CELF5: variants seen among roughly 807,000 people sequenced by gnomAD.
CELF5 encodes CUGBP Elav-like family member 5.
A neutral mutation model predicts 54.9 loss-of-function variants in CELF5; 6 were observed. That is an observed-to-expected ratio of 0.11 (90% CI 0.06 to 0.22). The LOEUF (loss-of-function observed/expected upper bound fraction) is 0.22, where lower values mean the gene tolerates loss of function less well. CELF5 is among the 10% of genes least tolerant of loss of function. CELF5 has a pLI of 1.00. For missense variants in CELF5, 401 were observed against 678.6 expected (o/e 0.59, Z 4.54); for synonymous variants, 271 against 290.9 (o/e 0.93, Z 0.70).
At chr19:3,287,759 A>G (rs1311268854) in intron 10 of CELF5, among the ~76,000 whole-genome samples, 1 of 104,686 alleles carries the variant, frequency 9.6e-6, no homozygotes, top group Non-Finnish European at 2.5e-5. Flanking sequence ...TCTCAAAACA[A>G]CAAAACAACA....
intron 1 of CELF5, among the ~76,000 whole-genome samples, chr19:3,230,750 C>T (rs1162397792): frequency 6.6e-6 from 1 of 152,234 alleles, no homozygotes; most frequent in Admixed American, 6.5e-5. Flanking sequence ...AAAATATGCT[C>T]GTTTCCTTCA....
intron 1 of CELF5, among the ~76,000 whole-genome samples, chr19:3,236,978 G>A (rs1358290898): frequency 3.0e-5 from 4 of 131,730 alleles, no homozygotes; most frequent in African/African-American, 8.7e-5. Flanking sequence ...GACAGAGCAA[G>A]ACTCCATCTC....
intron 2 of CELF5, among the ~76,000 whole-genome samples, chr19:3,259,505 A>G (rs979465878): frequency 6.6e-5 from 10 of 151,558 alleles, no homozygotes; most frequent in African/African-American, 2.2e-4. Flanking sequence ...CCCTGCTCAC[A>G]TCAGACACCA....
intron 1 of CELF5, among the ~76,000 whole-genome samples, chr19:3,231,948 A>T (rs1917287837): frequency 6.7e-6 from 1 of 150,360 alleles, no homozygotes; most frequent in Non-Finnish European, 1.5e-5. Flanking sequence ...TGGATGGGTA[A>T]TTGGTGGATG....
At position 3,259,631 on chromosome 19, in the gene CELF5, G is replaced by A. The variant is rs113038677; in HGVS notation, c.342+8564G>A. ...GATTTTAATGTGTGCAGCCTCCTGG[G>A]ACCTCAGCAGGGAAGCGGGTCATGG... On this transcript the variant is annotated intron_variant, in intron 2 of 12. Transcript: ENST00000292672. Among the ~76,000 whole-genome samples the A allele has an allele frequency of 4.2e-3, 642 of 152,246 alleles. 3 individuals carry two copies. Among genetic ancestry groups the A allele is most frequent in the African/African-American group, 0.014 (598 of 41,524 alleles).
rs573815336 is a variant in CELF5, at chr19:3,244,165, A to G, written c.260-6820A>G. 1.2e-4 allele frequency among the ~76,000 whole-genome samples: 19 copies of G among 152,188 alleles called. 1 individual carries two copies. Among genetic ancestry groups the G allele is most frequent in the South Asian group, 4.2e-4 (2 of 4,816 alleles). On this transcript the variant is annotated intron_variant, in intron 1 of 12. Transcript: ENST00000292672. ...AAGAGGCCAAGAAGAGGTTGGGCCA[A>G]GAGATCACGGAAGCCATAAGGAAGA...
At chr19:3,286,184 A>G (rs2080245741) in intron 10 of CELF5, 159 bp downstream of exon 10, 1 of 548,794 alleles carries the variant, frequency 1.8e-6, no homozygotes, top group Non-Finnish European at 3.1e-6. Flanking sequence ...GCAGCCGCTG[A>G]CCCCTGGGAA....
At chr19:3,244,034 AG>A (rs2079526942) in intron 1 of CELF5, among the ~76,000 whole-genome samples, 1 of 151,896 alleles carries the variant, frequency 6.6e-6, no homozygotes, top group South Asian at 2.1e-4. Context: ...GAATTTGGAG[AG>A]GGGGAGAAGC....
rs978823486 is a variant in CELF5 at position 3,237,542 on chromosome 19, G to A, written c.259+12544G>A. On this transcript the variant is annotated intron_variant, in intron 1 of 12. Coordinates refer to ENST00000292672, the MANE Select transcript of CELF5 (RefSeq NM_021938.4). ...GTTGCCATGGCGTTTGTAAACTGTCGTGGCGCGGGTGGGAGTGTCTCTTAG... is the reference window on the plus strand; with the variant it reads ...GTTGCCATGGCGTTTGTAAACTGTCATGGCGCGGGTGGGAGTGTCTCTTAG... Among the ~76,000 whole-genome samples the A allele has an allele frequency of 5.9e-5, 9 of 152,082 alleles. No homozygotes were observed. In the East Asian group the frequency reaches 7.7e-4, roughly 13 times the overall value.
chr19:3,226,768 T>C (rs893465610), intron 1 of CELF5, among the ~76,000 whole-genome samples: 1 of 121,826 alleles, frequency 8.2e-6, no homozygotes, highest in Non-Finnish European at 1.7e-5. Context: ...CTTCTTCATC[T>C]TTTTTTTTTT....
chr19:3,241,919 C>T (rs1389498728), intron 1 of CELF5, among the ~76,000 whole-genome samples: 2 of 152,194 alleles, frequency 1.3e-5, no homozygotes, highest in Non-Finnish European at 2.9e-5. Flanking sequence ...GGACCAGAGG[C>T]GCGCGCCGCC....
chr19:3,240,619 C>T (rs1199022193), intron 1 of CELF5, among the ~76,000 whole-genome samples: 1 of 152,000 alleles, frequency 6.6e-6, no homozygotes. Context: ...TGAGCCACTG[C>T]GCCCGGCCCT....
intron 1 of CELF5, among the ~76,000 whole-genome samples, chr19:3,239,212 G>A (rs940072189): frequency 7.2e-5 from 11 of 151,796 alleles, no homozygotes; most frequent in Non-Finnish European, 8.8e-5. Context: ...GGATCCTCCC[G>A]CCTCAGCCCG....
At position 3,278,006 on chromosome 19, in the gene CELF5, A is replaced by C. The variant is rs780065878; in HGVS notation, c.524-25A>C. On this transcript the variant is annotated intron_variant, in intron 4 of 12. Coordinates refer to ENST00000292672, the MANE Select transcript of CELF5 (RefSeq NM_021938.4). The surrounding 1 kb of genome is among the most constrained non-coding windows in gnomAD (Gnocchi z 4.5). ...CAGTCCTGTGACCCCATCACCCTCT[A>C]CCTCTTCTTCTTCTCTTGGAGCAGG... is the stretch of plus-strand genomic sequence containing the variant. 19 of 1,601,002 alleles carry C rather than the reference A, an allele frequency of 1.2e-5. No homozygotes were observed. The highest frequency in any genetic ancestry group is 1.5e-5 in the Non-Finnish European group (17 of 1,169,460).
At chr19:3,269,009 CAGCG>C (rs1267396955) in intron 2 of CELF5, among the ~76,000 whole-genome samples, 1 of 152,038 alleles carries the variant, frequency 6.6e-6, no homozygotes, top group African/African-American at 2.4e-5. Context: ...GGAGCCACAG[CAGCG>C]TTTAGAGCAG....
chr19:3,251,672 T>TTTTG (rs1555720292), intron 2 of CELF5, among the ~76,000 whole-genome samples: 4 of 121,298 alleles, frequency 3.3e-5, no homozygotes, highest in Admixed American at 8.5e-5. Context: ...TTTTTTTTTT[T>TTTTG]TTGTTGTTGT....
intron 1 of CELF5, among the ~76,000 whole-genome samples, chr19:3,227,321 G>A (rs1181740562): frequency 6.6e-6 from 1 of 152,196 alleles, no homozygotes; most frequent in Non-Finnish European, 1.5e-5. Flanking sequence ...TTGGCTGAAG[G>A]GAGGTGGAAT....
rs2079640178 is a variant in CELF5, at chr19:3,251,020, G to A, written c.295G>A (p.Ala99Thr). The change falls in exon 2 of 13, where the codon GCC becomes ACC. Residue 99 changes from alanine to threonine, a missense_variant. Transcript: ENST00000292672. Reference sequence around the variant, plus strand: ...CCTCACCTACTGTGCCAGGGATTCCGCCATCAAAGCTCAGACTGCCCTGCA... The same window carrying A: ...CCTCACCTACTGTGCCAGGGATTCCACCATCAAAGCTCAGACTGCCCTGCA... ...AFLTYCARDS[A>T]IKAQTALHEQ... 1.9e-6 allele frequency: 3 copies of A among 1,613,910 alleles called. No homozygotes were observed. The highest frequency in any genetic ancestry group is 1.7e-6 in the Non-Finnish European group (2 of 1,179,968).
Position 3,274,027 on chromosome 19 carries a change from G to A in CELF5, c.394+104G>A. The A allele has an allele frequency of 2.5e-6, 3 of 1,207,066 alleles. No homozygotes were observed. The South Asian group carries it at 3.9e-5, about 16-fold the overall frequency. The allele number at this position is 1,207,066 out of a possible 1,614,324, so 74.8% of individuals were successfully genotyped here. A position where few individuals can be genotyped will look rare whatever the true frequency, so the allele number is the denominator to read the frequency against. ...TCCTGCAAAAGGGGCAGTGGCCGAG[G>A]CCTGTGGATCTGGAACTGGCCTCCC... On this transcript the variant is annotated intron_variant, in intron 3 of 12. Transcript: ENST00000292672.
Sources: gnomAD v4.1 joint callset for allele counts (sites outside exome capture counted in the v4.1 genomes callset) on GRCh38, gnomAD v4.1.1 for gene constraint, Gnocchi (gnomAD v3.1) non-coding constraint, MANE v1.5 for transcripts, NCBI Gene and HGNC (gene_info 2026-07-23, HGNC 2026-07-21) for gene names.